The following PLCD1 variants were observed in gnomAD, a reference collection of about 807,000 sequenced individuals.
PLCD1 encodes the protein phospholipase C delta 1, also known as 1-phosphatidylinositol 4,5-bisphosphate phosphodiesterase delta-1.
Under a neutral mutation model 87.4 loss-of-function variants are expected in PLCD1, and 71 were observed. That is an observed-to-expected ratio of 0.81 (90% confidence interval 0.67 to 0.99). PLCD1 has a LOEUF of 0.99. Ranked by LOEUF, PLCD1 falls within the 50% of genes least tolerant of loss-of-function variation. PLCD1 has a pLI of 0.00. For missense variants in PLCD1, 867 were observed against 1,001.5 expected (o/e 0.87, Z 1.81); for synonymous variants, 348 against 399.2 (o/e 0.87, Z 1.53).
chr3:38,009,094 T>A lies in PLCD1; in HGVS notation c.1671A>T (p.Thr557=). The change falls in exon 11 of 15, where the codon ACA becomes ACT. Residue 557 remains threonine (T), a synonymous_variant. Transcript: ENST00000334661. The part of the protein sequence containing the change: ...LSRIYPAGWR[T]DSSNYSPVEM... ...CCACGGGGCTGTAGTTGGAGGAGTC[T>A]GTTCTCCATCCAGCCGGGTAGATTC... 1 of 1,613,992 alleles carries A rather than the reference T, an allele frequency of 6.2e-7. No individual in the cohort carries two copies. The highest frequency in any genetic ancestry group is 8.5e-7 in the Non-Finnish European group (1 of 1,180,002).
At chr3:38,020,543 T>C (rs370269849) in intron 1 of PLCD1, among the ~76,000 whole-genome samples, 191 bp from the exon 2 acceptor site, 24 of 152,070 alleles carry the variant, frequency 1.6e-4, no homozygotes, top group African/African-American at 5.6e-4. Context: ...CTCCAGGAAG[T>C]CATCCCTGAT....
In PLCD1 at chr3:38,009,682, C is replaced by A; in HGVS notation, c.1417G>T (p.Val473Leu). The change falls in exon 9 of 15, where the codon GTG becomes TTG. Residue 473 changes from valine (V) to leucine (L), a missense_variant. Coordinates refer to ENST00000334661, the MANE Select transcript of PLCD1 (RefSeq NM_006225.4). ...GGCTTGTGCTGCACACGGCTCCTCACTGCCTCATCCTCCATCTCAGCAGCC... is the reference window on the plus strand; with the variant it reads ...GGCTTGTGCTGCACACGGCTCCTCAATGCCTCATCCTCCATCTCAGCAGCC... ...DEAAEMEDEAVRSRVQHKPKE... is the reference protein window; with the variant it reads ...DEAAEMEDEALRSRVQHKPKE... The A allele has an allele frequency of 6.2e-7, 1 of 1,614,198 alleles. No individual in the cohort carries two copies. The highest frequency in any genetic ancestry group is 8.5e-7 in the Non-Finnish European group (1 of 1,180,026).
intron 1 of PLCD1, 71 bp from the exon 2 acceptor site, chr3:38,020,423 C>T: frequency 6.9e-7 from 1 of 1,455,396 alleles, no homozygotes; most frequent in Non-Finnish European, 9.6e-7. Context: ...TCACACTGGC[C>T]ATGCCCACCT....
At chr3:38,009,617 GC>G in intron 9 of PLCD1, 35 bp downstream of exon 9, 1 of 1,612,668 alleles carries the variant, frequency 6.2e-7, no homozygotes, top group Non-Finnish European at 8.5e-7. Flanking sequence ...GATGGGGAAG[GC>G]CCGGGCTGCC....
intron 3 of PLCD1, among the ~76,000 whole-genome samples, chr3:38,012,982 C>T (rs910064316): frequency 1.3e-5 from 2 of 152,100 alleles, no homozygotes; most frequent in African/African-American, 2.4e-5. Flanking sequence ...TGGCCCACTG[C>T]AGCCTCAAAC....
intron 5 of PLCD1, among the ~76,000 whole-genome samples, chr3:38,010,901 G>T (rs1168464761): frequency 1.3e-5 from 2 of 151,162 alleles, no homozygotes; most frequent in Non-Finnish European, 3.0e-5. Context: ...GGCCAAGAAT[G>T]AGTAAAAAAA....
intron 3 of PLCD1, among the ~76,000 whole-genome samples, chr3:38,015,546 CT>C (rs1323297756): frequency 6.6e-6 from 1 of 152,290 alleles, no homozygotes; most frequent in African/African-American, 2.4e-5. Flanking sequence ...CTAAAAAGCA[CT>C]GAATCAGGTT....
intron 1 of PLCD1, among the ~76,000 whole-genome samples, chr3:38,020,674 G>C (rs1700221027): frequency 1.3e-5 from 2 of 152,184 alleles, no homozygotes; most frequent in African/African-American, 4.8e-5. Flanking sequence ...AGAACCCCTG[G>C]TTCCTAGAGG....
chr3:38,012,881 T>C (rs1312594217), intron 3 of PLCD1, among the ~76,000 whole-genome samples: 1 of 151,186 alleles, frequency 6.6e-6, no homozygotes, highest in Admixed American at 6.6e-5. Flanking sequence ...ATTTTCCTCC[T>C]AATATTTTTT....
At chr3:38,024,158 C>T in intron 1 of PLCD1, 3 of 620,160 alleles carry the variant, frequency 4.8e-6, no homozygotes, top group African/African-American at 1.8e-5. Context: ...GTACTCACCC[C>T]GACGTGCTAC....
chr3:38,007,976 TC>T (rs1293412679), intron 14 of PLCD1, 37 bp downstream of exon 14: 9 of 1,613,718 alleles, frequency 5.6e-6, no homozygotes, highest in Non-Finnish European at 5.9e-6. Flanking sequence ...AGGCCCTGCT[TC>T]CCACCACCTT....
chr3:38,016,681 G>T lies in PLCD1; in HGVS notation c.238C>A (p.Arg80Ser). 1.3e-6 allele frequency: 2 copies of T among 1,577,000 alleles called. No individual in the cohort carries two copies. Among genetic ancestry groups the T allele is most frequent in the Non-Finnish European group, 1.7e-6 (2 of 1,160,472 alleles). Residue 80 changes from arginine to serine, a missense_variant, in exon 3 of 15, where the codon CGC becomes AGC. Arg to Ser is a moderately radical substitution (Grantham distance 110). Coordinates refer to ENST00000334661, the MANE Select transcript of PLCD1 (RefSeq NM_006225.4). ...GCGAACTTCTCCAGACCCTCCGTGC[G>T]GTGCCCCATTCGCACCTCCTGAATG... ...EDIQEVRMGH[R>S]TEGLEKFARD...
intron 11 of PLCD1, 65 bp from the exon 12 acceptor site, chr3:38,008,701 T>G (rs1473773294): frequency 7.0e-7 from 1 of 1,436,796 alleles, no homozygotes; most frequent in African/African-American, 1.4e-5. Context: ...CACAGCCTGC[T>G]CAGGGTACAC....
In PLCD1 at chr3:38,009,272, C is replaced by G. The variant is rs371877779; in HGVS notation, c.1606G>C (p.Gly536Arg). The G allele has an allele frequency of 4.0e-5, 64 of 1,614,032 alleles. No homozygotes were observed. The highest frequency in any genetic ancestry group is 1.5e-4 in the Admixed American group (9 of 59,998). Residue 536 changes from glycine to arginine, a missense_variant and splice_region_variant, in exon 10 of 15, where the codon GGA (glycine) becomes CGA (arginine). Physicochemically the swap from Gly to Arg is moderately radical, Grantham distance 125. Coordinates refer to ENST00000334661, the MANE Select transcript of PLCD1 (RefSeq NM_006225.4). ...GGAGTGGTGGGGAGCCAGGCCTCAC[C>G]TGATTCTTGGAGCAGTCGAAGGGCA... ...NRALRLLQES[G>R]NGFVRHNVGH... is the part of the protein sequence containing the mutation.
intron 1 of PLCD1, chr3:38,024,601 A>G (rs1189871247): frequency 1.3e-6 from 2 of 1,511,670 alleles, no homozygotes; most frequent in Non-Finnish European, 1.8e-6. Context: ...AGAGTTCGAG[A>G]GGAGGGGCGC....
intron 1 of PLCD1, chr3:38,024,399 G>T (rs1184860900): frequency 6.2e-7 from 1 of 1,612,694 alleles, no homozygotes; most frequent in Non-Finnish European, 8.5e-7. Flanking sequence ...GAGCTCCCTG[G>T]AGCGGCTCCG....
intron 2 of PLCD1, among the ~76,000 whole-genome samples, chr3:38,019,776 C>T (rs1700206495): frequency 6.6e-6 from 1 of 152,184 alleles, no homozygotes; most frequent in African/African-American, 2.4e-5. Context: ...GCAGCCCTAG[C>T]TCCCACCTGG....
intron 3 of PLCD1, among the ~76,000 whole-genome samples, chr3:38,012,813 G>A (rs1271490684): frequency 2.6e-5 from 4 of 151,372 alleles, no homozygotes; most frequent in East Asian, 1.9e-4. Context: ...CACGGCACCC[G>A]GCCTATAATG....
At chr3:38,020,758 G>C (rs1026639184) in intron 1 of PLCD1, among the ~76,000 whole-genome samples, 1 of 152,222 alleles carries the variant, frequency 6.6e-6, no homozygotes, top group African/African-American at 2.4e-5. Flanking sequence ...ACACTTAGGA[G>C]TCAGAGTGAA....
Sources: gnomAD v4.1 joint callset for allele counts (sites outside exome capture counted in the v4.1 genomes callset) on GRCh38, gnomAD v4.1.1 for gene constraint, MANE v1.5 for transcripts, NCBI Gene and HGNC (gene_info 2026-07-23, HGNC 2026-07-21) for gene names.